The following HOMER2 variants were observed in gnomAD, a reference collection of about 807,000 sequenced individuals.
HOMER2 encodes homer protein homolog 2.
A neutral mutation model predicts 47.0 loss-of-function variants in HOMER2; 27 were observed. That is an observed-to-expected ratio of 0.57 (90% CI 0.42 to 0.79). The LOEUF is 0.79. HOMER2 is among the 30% of genes least tolerant of loss of function. The probability of loss-of-function intolerance (pLI) is 0.00; values close to 1 mark genes in which losing one functional copy is unlikely to be tolerated. For missense variants in HOMER2, 443 were observed against 435.0 expected, an observed-to-expected ratio of 1.02 and a Z score of -0.16; for synonymous variants, 161 against 163.8, an observed-to-expected ratio of 0.98 and a Z score of 0.13.
chr15:82,952,422 GGAGGC>G, intron 1 of HOMER2, 104 bp downstream of exon 1: 1 of 778,896 alleles, frequency 1.3e-6, no homozygotes, highest in South Asian at 6.2e-5. Context: ...TCCGGCTTGG[GGAGGC>G]GGGGGCCGGC....
At chr15:82,877,585 C>T (rs145122923) in intron 2 of HOMER2, among the ~76,000 whole-genome samples, 322 of 152,306 alleles carry the variant, frequency 2.1e-3, no homozygotes, top group Non-Finnish European at 3.6e-3. Context: ...TATAAACTTC[C>T]ATATCATGTT....
At chr15:82,984,079 C>G (rs1253282444) in intron 1 of HOMER2, among the ~76,000 whole-genome samples, 1 of 150,720 alleles carries the variant, frequency 6.6e-6, no homozygotes. Context: ...GTCACCCAGG[C>G]TGGAGTGCAG....
intron 1 of HOMER2, among the ~76,000 whole-genome samples, chr15:82,940,542 G>C (rs1184790473): frequency 6.6e-6 from 1 of 152,138 alleles, no homozygotes; most frequent in Non-Finnish European, 1.5e-5. Context: ...AGGAGATCGA[G>C]ACCATCCTGG....
chr15:82,842,054 T>C (rs2051181389), exon 2 of HOMER2: 1 of 152,356 alleles, frequency 6.6e-6, no homozygotes, highest in East Asian at 1.9e-4. Flanking sequence ...AAGTCTAATG[T>C]TTTAAAGTCA....
intron 1 of HOMER2, among the ~76,000 whole-genome samples, chr15:82,979,570 G>GA (rs2030322282): frequency 6.6e-6 from 1 of 152,146 alleles, no homozygotes; most frequent in East Asian, 1.9e-4. Flanking sequence ...TGGTTTGTGT[G>GA]AAAAATGATG....
chr15:82,983,684 G>C (rs1192029097), intron 1 of HOMER2, among the ~76,000 whole-genome samples: 1 of 151,804 alleles, frequency 6.6e-6, no homozygotes, highest in Non-Finnish European at 1.5e-5. Flanking sequence ...TGCCTCCCAA[G>C]TTCAAGCAAT....
chr15:82,946,228 C>T (rs2054377388), intron 1 of HOMER2, among the ~76,000 whole-genome samples: 2 of 152,240 alleles, frequency 1.3e-5, no homozygotes, highest in African/African-American at 4.8e-5. Flanking sequence ...TTACTTGGCC[C>T]TGATATTTCC....
intron 1 of HOMER2, among the ~76,000 whole-genome samples, chr15:82,949,106 T>C (rs971754048): frequency 3.9e-5 from 6 of 152,050 alleles, no homozygotes; most frequent in East Asian, 1.9e-4. Flanking sequence ...AATGAGTGCA[T>C]GGTAGGGCCA....
At position 82,920,045 on chromosome 15, in the gene HOMER2, CAA is replaced by C. The variant is rs2053688574; in HGVS notation, c.6-27206_6-27205del. Among the ~76,000 whole-genome samples, 4 of 152,202 alleles carry C rather than the reference CAA, an allele frequency of 2.6e-5. No individual in the cohort carries two copies. In the South Asian group the frequency reaches 6.2e-4, roughly 24 times the overall value. ...TGGAATCTGCTCCAGTCTCTGTCCT[CAA>C]GATATTATTCTTGGAGCCAGTAACT... On this transcript the variant is annotated intron_variant, in intron 1 of 8. Coordinates refer to ENST00000450735, the MANE Select transcript of HOMER2 (RefSeq NM_004839.4).
At chr15:82,947,769 T>C (rs1343136923) in intron 1 of HOMER2, among the ~76,000 whole-genome samples, 2 of 152,360 alleles carry the variant, frequency 1.3e-5, no homozygotes, top group East Asian at 3.9e-4. Context: ...CAAGCAAGGC[T>C]GCCCACAACA....
At chr15:82,859,300 TTTTG>T in intron 4 of HOMER2, 165 bp from the exon 5 acceptor site, 1 of 806,404 alleles carries the variant, frequency 1.2e-6, no homozygotes, top group Non-Finnish European at 1.8e-6. Flanking sequence ...ACTAACAAGT[TTTTG>T]TTTTTTTTTT....
chr15:82,931,839 AAAAACAAAACAAAAC>A (rs200238784), intron 1 of HOMER2, among the ~76,000 whole-genome samples: 4 of 152,204 alleles, frequency 2.6e-5, no homozygotes, highest in African/African-American at 9.6e-5. Context: ...CTCCGTCTCA[AAAAACAAAACAAAAC>A]AAAACAAAAC....
Position 82,914,998 on chromosome 15 carries a change from A to C in HOMER2, c.6-22157T>G, listed in dbSNP as rs540406247. The stretch of plus-strand genomic sequence containing the variant: ...CAAGAGTTTGAGATCAGCCTGAGCA[A>C]CATAATGTGACAAAAAATACAAAAA... On this transcript the variant is annotated intron_variant, in intron 1 of 8. Transcript: ENST00000450735. 2.0e-5 allele frequency among the ~76,000 whole-genome samples: 3 copies of C among 152,296 alleles called. No individual in the cohort carries two copies. In the East Asian group the frequency reaches 5.8e-4, roughly 29 times the overall value.
At chr15:82,972,740 G>T (rs556403150) in intron 1 of HOMER2, among the ~76,000 whole-genome samples, 7 of 152,158 alleles carry the variant, frequency 4.6e-5, no homozygotes, top group African/African-American at 1.7e-4. Context: ...CAAGAAAATG[G>T]AGATTGCCTC....
chr15:82,959,674 G>T (rs552370547), intron 1 of HOMER2, among the ~76,000 whole-genome samples: 47 of 152,292 alleles, frequency 3.1e-4, no homozygotes, highest in African/African-American at 1.1e-3. Flanking sequence ...TGGTGCCCAG[G>T]CATCGGCAAT....
chr15:82,927,225 A>AT (rs2053875090), intron 1 of HOMER2, among the ~76,000 whole-genome samples: 1 of 148,484 alleles, frequency 6.7e-6, no homozygotes, highest in African/African-American at 2.6e-5. Flanking sequence ...ACCTTCTAAC[A>AT]TGCCATGAAA....
intron 8 of HOMER2, 135 bp from the exon 9 acceptor site, chr15:82,850,038 G>A (rs2051341043): frequency 1.3e-6 from 1 of 798,958 alleles, no homozygotes; most frequent in African/African-American, 1.7e-5. Flanking sequence ...CTAGAGACAT[G>A]CTACCCCAGC....
intron 5 of HOMER2, among the ~76,000 whole-genome samples, chr15:82,857,219 C>T (rs1459368295): frequency 2.0e-5 from 3 of 152,034 alleles, no homozygotes; most frequent in Non-Finnish European, 2.9e-5. Context: ...ACCTCCTCTC[C>T]CCACCTGTGA....
rs776379961 is a variant in HOMER2 at position 82,854,750 on chromosome 15, C to G, written c.545G>C (p.Ser182Thr). 1 of 1,612,220 alleles carries G rather than the reference C, an allele frequency of 6.2e-7. No homozygotes were observed. Among genetic ancestry groups the G allele is most frequent in the Non-Finnish European group, 8.5e-7 (1 of 1,179,830 alleles). Residue 182 changes from serine (S) to threonine (T), a missense_variant, in exon 6 of 9, where the codon AGC becomes ACC. Coordinates refer to ENST00000450735, the MANE Select transcript of HOMER2 (RefSeq NM_004839.4). ...WEIELQTLRE[S>T]NARLTTALQE... ...CAGTGCTGTGGTCAGCCGTGCATTG[C>G]TCTCCCGAAGGGTCTGCAGCTCGAT...
Sources: gnomAD v4.1 joint callset for allele counts (sites outside exome capture counted in the v4.1 genomes callset) on GRCh38, gnomAD v4.1.1 for gene constraint, MANE v1.5 for transcripts, NCBI Gene and HGNC (gene_info 2026-07-23, HGNC 2026-07-21) for gene names.